EPS15L1: variants seen among roughly 807,000 people sequenced by gnomAD.
EPS15L1 encodes epidermal growth factor receptor pathway substrate 15 like 1.
EPS15L1 carries 43 observed loss-of-function variants against 117.1 expected under a neutral mutation model. The ratio of observed to expected loss-of-function variants is 0.37; its 90% CI spans 0.29 to 0.47. EPS15L1 has a LOEUF of 0.47. EPS15L1 is among the 20% of genes least tolerant of loss of function. The pLI is 0.99. For synonymous variants in EPS15L1, 459 were observed against 470.5 expected (o/e 0.98, Z 0.32); for missense variants, 981 against 1,164.0 (o/e 0.84, Z 2.29).
chr19:16,439,395 AAC>A (rs1237737262), intron 4 of EPS15L1, among the ~76,000 whole-genome samples: 2 of 152,218 alleles, frequency 1.3e-5, no homozygotes, highest in African/African-American at 2.4e-5. Context: ...CAGAACTTTT[AAC>A]ATGCAGACAT....
chr19:16,458,433 T>C (rs995639663), intron 1 of EPS15L1, among the ~76,000 whole-genome samples: 3 of 152,118 alleles, frequency 2.0e-5, no homozygotes, highest in African/African-American at 7.2e-5. Flanking sequence ...GGCTCTGTCC[T>C]GATGGGAGGG....
intron 22 of EPS15L1, among the ~76,000 whole-genome samples, chr19:16,375,546 A>G (rs2092285023): frequency 6.6e-6 from 1 of 152,184 alleles, no homozygotes; most frequent in Non-Finnish European, 1.5e-5. Flanking sequence ...CCGTTCCATC[A>G]GGAAGCCAAC....
intron 13 of EPS15L1, among the ~76,000 whole-genome samples, chr19:16,409,207 G>A (rs557227360): frequency 2.1e-4 from 32 of 152,192 alleles, no homozygotes; most frequent in African/African-American, 7.7e-4. Context: ...CTCCAGCCTC[G>A]GCAACAGAGC....
intron 9 of EPS15L1, among the ~76,000 whole-genome samples, chr19:16,424,817 C>A (rs1371823421): frequency 6.6e-6 from 1 of 152,002 alleles, no homozygotes; most frequent in Non-Finnish European, 1.5e-5. Context: ...CGCACCACCA[C>A]ACCCAGCTAA....
chr19:16,375,281 T>C (rs945586416), intron 22 of EPS15L1, among the ~76,000 whole-genome samples: 2 of 152,236 alleles, frequency 1.3e-5, no homozygotes, highest in African/African-American at 4.8e-5. Context: ...TGTGTGTTCA[T>C]GTGCAAACAG....
At chr19:16,449,979 G>GC (rs2093124078) in intron 1 of EPS15L1, among the ~76,000 whole-genome samples, 1 of 152,062 alleles carries the variant, frequency 6.6e-6, no homozygotes, top group South Asian at 2.1e-4. Flanking sequence ...AGTGGTGGTT[G>GC]CCGGGGATAA....
chr19:16,419,546 T>C (rs1463196065), intron 10 of EPS15L1, among the ~76,000 whole-genome samples: 1 of 151,840 alleles, frequency 6.6e-6, no homozygotes, highest in Admixed American at 6.6e-5. Flanking sequence ...CTATGAAAAA[T>C]GTCTTCCTTC....
chr19:16,458,657 C>T (rs777877020), intron 1 of EPS15L1, among the ~76,000 whole-genome samples: 7 of 152,034 alleles, frequency 4.6e-5, no homozygotes, highest in African/African-American at 4.8e-5. Context: ...CCTACCTTGC[C>T]GGGCTGATTT....
Position 16,428,695 on chromosome 19 carries a change from G to A in EPS15L1, c.558+7C>T. On this transcript the variant is annotated splice_region_variant and intron_variant, in intron 8 of 23. Transcript: ENST00000455140. ...GGGCTGGGTGGGGAGGAAACAGCAG[G>A]ACTTACCACAGCGAACTCATCTCGA... 2 of 1,610,706 alleles carry A rather than the reference G, an allele frequency of 1.2e-6. No homozygotes were observed. The highest frequency in any genetic ancestry group is 1.7e-6 in the Non-Finnish European group (2 of 1,178,692).
intron 23 of EPS15L1, 194 bp downstream of exon 23, chr19:16,361,585 C>CTTT: frequency 2.5e-5 from 27 of 1,090,982 alleles, no homozygotes; most frequent in Admixed American, 2.0e-4. Flanking sequence ...AACTGCGGCT[C>CTTT]TTTTTTTTTT....
intron 3 of EPS15L1, 62 bp downstream of exon 3, chr19:16,441,830 G>T: frequency 1.4e-6 from 2 of 1,385,204 alleles, no homozygotes; most frequent in South Asian, 1.3e-5. Flanking sequence ...GGCTGGCCCT[G>T]ACCTGCGGGG....
intron 21 of EPS15L1, among the ~76,000 whole-genome samples, chr19:16,382,002 CGCAATAGGACCCGG>C (rs1389069197): frequency 1.3e-5 from 2 of 152,122 alleles, no homozygotes; most frequent in African/African-American, 4.8e-5. Flanking sequence ...CTCTGTGTCG[CGCAATAGGACCCGG>C]GCAATAAAAC....
chr19:16,460,318 T>C (rs73511187), intron 1 of EPS15L1, among the ~76,000 whole-genome samples: 17,808 of 152,160 alleles, frequency 0.12, 1,115 homozygotes, highest in Non-Finnish European at 0.14. Flanking sequence ...ATTCTCTTAG[T>C]CTCAGCTGTC....
chr19:16,402,218 C>G, intron 16 of EPS15L1, 103 bp downstream of exon 16: 1 of 1,479,576 alleles, frequency 6.8e-7, no homozygotes, highest in Admixed American at 2.5e-5. Context: ...CTGCACTTGG[C>G]TGGAACCAAC....
chr19:16,373,853 G>A (rs1335117672), intron 22 of EPS15L1, among the ~76,000 whole-genome samples: 4 of 152,182 alleles, frequency 2.6e-5, no homozygotes, highest in South Asian at 2.1e-4. Flanking sequence ...AGGTTAGTAC[G>A]GAATCACAGC....
intron 22 of EPS15L1, among the ~76,000 whole-genome samples, chr19:16,367,036 T>A (rs2092142805): frequency 6.6e-6 from 1 of 152,082 alleles, no homozygotes; most frequent in Non-Finnish European, 1.5e-5. Context: ...CGCCAGGGTT[T>A]TATACTTTTT....
intron 10 of EPS15L1, among the ~76,000 whole-genome samples, chr19:16,419,256 C>T (rs945803245): frequency 2.0e-5 from 3 of 152,122 alleles, no homozygotes; most frequent in East Asian, 1.9e-4. Flanking sequence ...GTCAGGAGTT[C>T]GAGACCAGCT....
At chr19:16,369,676 A>AGTGT (rs10543332) in intron 22 of EPS15L1, among the ~76,000 whole-genome samples, 18,229 of 146,040 alleles carry the variant, frequency 0.12, 1,180 homozygotes, top group Non-Finnish European at 0.14. Context: ...AAGAAAAAAA[A>AGTGT]GTGTGTGTGT....
intron 1 of EPS15L1, among the ~76,000 whole-genome samples, chr19:16,449,226 T>A (rs1312722049): frequency 1.3e-5 from 2 of 151,514 alleles, no homozygotes; most frequent in Non-Finnish European, 2.9e-5. Flanking sequence ...CTGGGCAACA[T>A]AACAAGATCT....
Sources: allele counts gnomAD v4.1 joint callset (sites outside exome capture counted in the v4.1 genomes callset), GRCh38; gene constraint gnomAD v4.1.1; transcripts MANE v1.5; gene names NCBI Gene and HGNC (gene_info 2026-07-23, HGNC 2026-07-21).